NAV2: variants seen among roughly 807,000 people sequenced by gnomAD.
The protein encoded by NAV2 is helicase, APC down-regulated 1.
A neutral mutation model predicts 223.2 loss-of-function variants in NAV2; 54 were observed. That is an observed-to-expected ratio of 0.24 (90% CI 0.19 to 0.30). The LOEUF (loss-of-function observed/expected upper bound fraction) is 0.30. NAV2 is among the 10% of genes least tolerant of loss of function. The pLI is 1.00. For missense variants in NAV2, 2,806 were observed against 3,147.5 expected (o/e 0.89, Z 2.60); for synonymous variants, 1,279 against 1,239.3 (o/e 1.03, Z -0.67).
intron 1 of NAV2, among the ~76,000 whole-genome samples, chr11:19,800,625 C>G (rs1289651931): frequency 1.3e-5 from 2 of 151,064 alleles, no homozygotes; most frequent in African/African-American, 2.4e-5. Flanking sequence ...AACTTGATAG[C>G]TTGGCGATTA....
At chr11:20,037,155 C>T (rs1445226575) in intron 12 of NAV2, among the ~76,000 whole-genome samples, 1 of 151,996 alleles carries the variant, frequency 6.6e-6, no homozygotes, top group African/African-American at 2.4e-5. Context: ...AGGCGCCACC[C>T]CTCCCCACCC....
Position 20,100,991 on chromosome 11 carries a change from C to A in NAV2, c.6236C>A (p.Pro2079His). 1.2e-6 allele frequency: 2 copies of A among 1,614,126 alleles called. No individual in the cohort carries two copies. The highest frequency in any genetic ancestry group is 1.7e-5 in the Admixed American group (1 of 60,014). The change falls in exon 32 of 38, where the codon CCC (proline) becomes CAC (histidine). Residue 2079 changes from proline (P) to histidine (H), a missense_variant. By Grantham distance (77) the Pro-to-His change is moderately conservative (BLOSUM62 -2). This residue lies in a region of NAV2 where 824 missense variants were observed against 1,069.4 expected (regional missense o/e 0.77). Transcript: ENST00000349880. ...SLVFESLIPK[P>H]ILQRYVSLLI... ...GTGTTTGAGTCCTTGATTCCCAAGCCCATCCTGCAGCGCTACGTCTCCCTC... is the reference window on the plus strand; with the variant it reads ...GTGTTTGAGTCCTTGATTCCCAAGCACATCCTGCAGCGCTACGTCTCCCTC...
chr11:19,882,530 G>A (rs1386157062), intron 5 of NAV2, among the ~76,000 whole-genome samples: 2 of 152,190 alleles, frequency 1.3e-5, no homozygotes, highest in African/African-American at 4.8e-5. Flanking sequence ...GCATCTCACT[G>A]CATAGGGTTC....
At chr11:19,400,559 C>T (rs552044983) in intron 1 of NAV2, among the ~76,000 whole-genome samples, 86 of 152,232 alleles carry the variant, frequency 5.6e-4, no homozygotes, top group Non-Finnish European at 1.1e-3. Flanking sequence ...AATTGTATGG[C>T]GGTGAGTAGG....
At chr11:19,821,927 C>G (rs2059401060) in intron 1 of NAV2, among the ~76,000 whole-genome samples, 2 of 152,186 alleles carry the variant, frequency 1.3e-5, no homozygotes, top group South Asian at 4.1e-4. Context: ...CATTAGGAGC[C>G]AGTTATTGCT....
At chr11:19,970,156 A>G (rs993243375) in intron 10 of NAV2, among the ~76,000 whole-genome samples, 1 of 152,012 alleles carries the variant, frequency 6.6e-6, no homozygotes, top group African/African-American at 2.4e-5. Context: ...ACAAGGGAGG[A>G]CTACAGTGAA....
intron 10 of NAV2, among the ~76,000 whole-genome samples, chr11:19,953,523 C>T (rs1009469974): frequency 6.6e-6 from 1 of 152,324 alleles, no homozygotes; most frequent in Non-Finnish European, 1.5e-5. Flanking sequence ...AATTCCTTTC[C>T]CCTCATGCCC....
Position 20,045,440 on chromosome 11 carries a change from C to T in NAV2, c.3672C>T (p.Gly1224=). 1.2e-6 allele frequency: 2 copies of T among 1,614,182 alleles called. No individual in the cohort carries two copies. The highest frequency in any genetic ancestry group is 1.7e-6 in the Non-Finnish European group (2 of 1,180,024). The change falls in exon 14 of 38, where the codon GGC becomes GGT. Residue 1224 remains glycine (G), a synonymous_variant. Transcript: ENST00000349880. The stretch of plus-strand genomic sequence containing the variant: ...CCAACATTAGCAGCAAGTCCGCAGG[C>T]CTGCCAGTGCCCAAACTGAGGGAGC... ...IDSNISSKSA[G]LPVPKLREPS...
At chr11:19,639,678 T>A (rs765761764) in intron 1 of NAV2, among the ~76,000 whole-genome samples, 18 of 152,174 alleles carry the variant, frequency 1.2e-4, no homozygotes, top group Non-Finnish European at 2.4e-4. Context: ...ATCTACTTTC[T>A]TCAACAGAAG....
chr11:20,053,049 T>TAAATATA (rs2153606613), intron 17 of NAV2, among the ~76,000 whole-genome samples: 1 of 151,738 alleles, frequency 6.6e-6, no homozygotes, highest in African/African-American at 2.4e-5. Context: ...AAACCCTGTC[T>TAAATATA]CTACTAAAAA....
At chr11:19,614,291 G>A (rs756792377) in intron 1 of NAV2, among the ~76,000 whole-genome samples, 15 of 152,128 alleles carry the variant, frequency 9.9e-5, no homozygotes, top group African/African-American at 3.1e-4. Context: ...CTAGTTCCGC[G>A]AGACACCTCC....
At chr11:19,480,888 T>C (rs990685181) in intron 1 of NAV2, among the ~76,000 whole-genome samples, 2 of 152,178 alleles carry the variant, frequency 1.3e-5, no homozygotes, top group African/African-American at 4.8e-5. Context: ...CCCACTCACG[T>C]GTTCCCTCTC....
At chr11:19,484,385 T>C (rs1341011109) in intron 1 of NAV2, among the ~76,000 whole-genome samples, 2 of 152,228 alleles carry the variant, frequency 1.3e-5, no homozygotes, top group Non-Finnish European at 2.9e-5. Flanking sequence ...TCCAAAGCTC[T>C]GGCTGTTAGA....
At chr11:20,116,593 C>T (rs781107955) in intron 37 of NAV2, among the ~76,000 whole-genome samples, 1 of 152,194 alleles carries the variant, frequency 6.6e-6, no homozygotes, top group Non-Finnish European at 1.5e-5. Flanking sequence ...GCCAGCCCAT[C>T]CCTAAACAAT....
chr11:19,782,537 T>C (rs2056824269), intron 1 of NAV2, among the ~76,000 whole-genome samples: 1 of 152,156 alleles, frequency 6.6e-6, no homozygotes, highest in Non-Finnish European at 1.5e-5. Flanking sequence ...ATTGTTTTGT[T>C]TCTGGCTCCT....
At chr11:19,560,004 C>T (rs746449317) in intron 1 of NAV2, among the ~76,000 whole-genome samples, 2 of 152,240 alleles carry the variant, frequency 1.3e-5, no homozygotes, top group South Asian at 2.1e-4. Context: ...GTGCCTGCTT[C>T]GCTCTAGCTG....
chr11:19,986,107 G>A (rs924670135), intron 11 of NAV2, among the ~76,000 whole-genome samples: 1 of 152,292 alleles, frequency 6.6e-6, no homozygotes, highest in East Asian at 1.9e-4. Flanking sequence ...ATCTATGCTA[G>A]GCAGTTTAAT....
At chr11:19,778,824 G>A (rs1224742325) in intron 1 of NAV2, among the ~76,000 whole-genome samples, 1 of 152,208 alleles carries the variant, frequency 6.6e-6, no homozygotes, top group Non-Finnish European at 1.5e-5. Context: ...GTGTGGAAGA[G>A]GCCAGAGTTT....
intron 1 of NAV2, among the ~76,000 whole-genome samples, chr11:19,558,244 C>T (rs766516604): frequency 2.0e-5 from 3 of 152,190 alleles, no homozygotes; most frequent in East Asian, 1.9e-4. Flanking sequence ...TATTTGCTCA[C>T]GATTCTGCAA....
Sources: gnomAD v4.1 joint callset for allele counts (sites outside exome capture counted in the v4.1 genomes callset) on GRCh38, gnomAD v4.1.1 for gene constraint, gnomAD v4.1.1 regional missense constraint, MANE v1.5 for transcripts, NCBI Gene and HGNC (gene_info 2026-07-23, HGNC 2026-07-21) for gene names.